The following TMEM256 variants were observed in gnomAD, a reference collection of about 807,000 sequenced individuals.
TMEM256 encodes the protein UPF0451 protein C17orf61.
Under a neutral mutation model 14.8 loss-of-function variants are expected in TMEM256, and 14 were observed. That is an observed-to-expected ratio of 0.95 (90% confidence interval 0.63 to 1.48). The LOEUF is 1.48. Among genes scored for constraint, TMEM256 ranks in the 40% most tolerant of loss-of-function variants. TMEM256 has a pLI of 0.00. For missense variants in TMEM256, 146 were observed against 137.9 expected (o/e 1.06, Z -0.30); for synonymous variants, 68 against 60.7 (o/e 1.12, Z -0.56).
In TMEM256 at chr17:7,403,147, C is replaced by T; in HGVS notation, c.261G>A (p.Leu87=). The T allele has an allele frequency of 6.2e-7, 1 of 1,614,206 alleles. No homozygotes were observed. The highest frequency in any genetic ancestry group is 1.1e-5 in the South Asian group (1 of 91,084). ...LFCTSFYYQA[L]SGDPSIQTLA... ...AAGTCTGGATGCTGGGGTCTCCACT[C>T]AGAGCCTGGTAGTAAAAGCTGGTGC... The change falls in exon 4 of 4, where the codon CTG becomes CTA. Residue 87 remains leucine (L), a synonymous_variant. Transcript: ENST00000302422.
intron 1 of TMEM256, 64 bp downstream of exon 1, chr17:7,403,936 C>A (rs1463108895): frequency 1.0e-5 from 15 of 1,483,380 alleles, no homozygotes; most frequent in Non-Finnish European, 1.3e-5. Context: ...ATAGGTTACG[C>A]CCTTGCAGCA....
chr17:7,403,288 G>T, intron 3 of TMEM256, 22 bp downstream of exon 3: 1 of 1,614,178 alleles, frequency 6.2e-7, no homozygotes, highest in Non-Finnish European at 8.5e-7. Context: ...CTTGGTCAGG[G>T]TTAGGCGCAG....
rs1340079661 is a variant in TMEM256 at position 7,403,129 on chromosome 17, G to A, written c.279C>T (p.Ile93=). 6.2e-7 allele frequency: 1 copy of A among 1,614,088 alleles called. No individual in the cohort carries two copies. The highest frequency in any genetic ancestry group is 1.3e-5 in the African/African-American group (1 of 74,930). ...TCCCTCCCGCAGGGGCCAAAGTCTGGATGCTGGGGTCTCCACTCAGAGCCT... is the reference window on the plus strand; with the variant it reads ...TCCCTCCCGCAGGGGCCAAAGTCTGAATGCTGGGGTCTCCACTCAGAGCCT... The part of the protein sequence containing the change: ...YYQALSGDPS[I]QTLAPAGGTL... Residue 93 remains isoleucine, a synonymous_variant, in exon 4 of 4, where the codon ATC becomes ATT. Transcript: ENST00000302422.
chr17:7,403,640 C>A lies in TMEM256; in HGVS notation c.117+18G>T. 1 of 1,614,116 alleles carries A rather than the reference C, an allele frequency of 6.2e-7. No individual in the cohort carries two copies. Among genetic ancestry groups the A allele is most frequent in the Non-Finnish European group, 8.5e-7 (1 of 1,180,006 alleles). ...TCGTAGACCCACGAGTCAGGGAGCC[C>A]CAGCGCAGTTACTTCACCTCCTTCC... On this transcript the variant is annotated intron_variant, in intron 2 of 3. Coordinates refer to ENST00000302422, the MANE Select transcript of TMEM256 (RefSeq NM_152766.5).
chr17:7,403,484 C>G, intron 2 of TMEM256, 94 bp from the exon 3 acceptor site: 1 of 1,499,296 alleles, frequency 6.7e-7, no homozygotes, highest in Non-Finnish European at 9.3e-7. Flanking sequence ...TCCCCCACCC[C>G]ACCCTTGAAG....
Position 7,402,986 on chromosome 17 carries a change from T to G in TMEM256, c.*80A>C. ...CAAAGACTCCAAAGTTTATTTGCCT[T>G]TCCTTTTTAATCCTCTTCTTACTCC... On this transcript the variant is annotated 3_prime_UTR_variant, in exon 4 of 4. Coordinates refer to ENST00000302422, the MANE Select transcript of TMEM256 (RefSeq NM_152766.5). The G allele has an allele frequency of 6.6e-7, 1 of 1,524,098 alleles. No individual in the cohort carries two copies. The highest frequency in any genetic ancestry group is 8.8e-7 in the Non-Finnish European group (1 of 1,139,018). 94.4% of individuals were successfully genotyped at this position (1,524,098 alleles called of 1,614,324 possible).
chr17:7,403,694 G>A lies in TMEM256; in HGVS notation c.86-5C>T, dbSNP rs914402745. The A allele has an allele frequency of 6.8e-6, 11 of 1,612,724 alleles. No individual in the cohort carries two copies. The highest frequency in any genetic ancestry group is 1.1e-5 in the South Asian group (1 of 90,988). ...AGGCATCTGGGAATTGGGCGCCTGTGGAGAAAAGAAGCAAAGGTTAGCGGT... is the reference window on the plus strand; with the variant it reads ...AGGCATCTGGGAATTGGGCGCCTGTAGAGAAAAGAAGCAAAGGTTAGCGGT... On this transcript the variant is annotated splice_region_variant and splice_polypyrimidine_tract_variant and intron_variant, in intron 1 of 3. Coordinates refer to ENST00000302422, the MANE Select transcript of TMEM256 (RefSeq NM_152766.5).
In TMEM256 at chr17:7,403,025, A is replaced by G; in HGVS notation, c.*41T>C. 6.4e-6 allele frequency: 10 copies of G among 1,564,088 alleles called. No individual in the cohort carries two copies. The highest frequency in any genetic ancestry group is 8.6e-6 in the Non-Finnish European group (10 of 1,162,714). ...TCTTCTTACTCCAACTCTTTAAAAA[A>G]AAAACTGCCCAGAAAACCCAGTAAT... On this transcript the variant is annotated 3_prime_UTR_variant, in exon 4 of 4. Transcript: ENST00000302422.
chr17:7,403,789 C>CCA (rs1906452775), intron 1 of TMEM256, 100 bp from the exon 2 acceptor site: 1 of 1,025,372 alleles, frequency 9.8e-7, no homozygotes, highest in Non-Finnish European at 1.3e-6. Context: ...AGGGCACCCC[C>CCA]CCCCCCGCCC....
At chr17:7,403,821 G>C (rs765257845) in intron 1 of TMEM256, 132 bp from the exon 2 acceptor site, 121 of 1,261,816 alleles carry the variant, frequency 9.6e-5, no homozygotes, top group Non-Finnish European at 1.3e-4. Context: ...CGATTGGTGG[G>C]AACACGCTCG....
chr17:7,403,638 C>G lies in TMEM256; in HGVS notation c.117+20G>C, dbSNP rs1388384674. 5 of 1,614,026 alleles carry G rather than the reference C, an allele frequency of 3.1e-6. No homozygotes were observed. The South Asian group carries it at 3.3e-5, about 11-fold the overall frequency. The stretch of plus-strand genomic sequence containing the variant: ...CTTCGTAGACCCACGAGTCAGGGAG[C>G]CCCAGCGCAGTTACTTCACCTCCTT... On this transcript the variant is annotated intron_variant, in intron 2 of 3. Transcript: ENST00000302422.
At chr17:7,403,778 A>ACGGGGGGGGGGGGGGGGGGGGGGGGG in intron 1 of TMEM256, 89 bp from the exon 2 acceptor site, 1 of 1,340,670 alleles carries the variant, frequency 7.5e-7, no homozygotes, top group Non-Finnish European at 1.0e-6. Flanking sequence ...ATTGGCGAGA[A>ACGGGGGGGGGGGGGGGGGGGGGGGGG]AGGGCACCCC....
chr17:7,403,945 C>T (rs1906467091), intron 1 of TMEM256, 55 bp downstream of exon 1: 1 of 1,497,206 alleles, frequency 6.7e-7, no homozygotes, highest in Non-Finnish European at 9.0e-7. Flanking sequence ...GCCCTTGCAG[C>T]AGACCCCAGA....
In TMEM256 at chr17:7,403,230, A is replaced by T. The variant is rs112244220; in HGVS notation, c.199-21T>A. The T allele has an allele frequency of 4.0e-4, 653 of 1,614,196 alleles. 6 individuals carry two copies. The African/African-American group carries it at 8.1e-3, about 20-fold the overall frequency. ...CCAGCCTGAAGGAGACACAGCACAG[A>T]AAACAGGATTGTTAAGAACAGGGCA... On this transcript the variant is annotated intron_variant, in intron 3 of 3. Coordinates refer to ENST00000302422, the MANE Select transcript of TMEM256 (RefSeq NM_152766.5).
intron 1 of TMEM256, 102 bp from the exon 2 acceptor site, chr17:7,403,791 C>CG: frequency 9.6e-7 from 1 of 1,045,844 alleles, no homozygotes; most frequent in East Asian, 4.9e-5. Flanking sequence ...GGCACCCCCC[C>CG]CCCCGCCCCA....
At position 7,404,039 on chromosome 17, in the gene TMEM256, C is replaced by T. The variant is rs777538396; in HGVS notation, c.46G>A (p.Gly16Arg). 12 of 1,602,092 alleles carry T rather than the reference C, an allele frequency of 7.5e-6. No homozygotes were observed. The highest frequency in any genetic ancestry group is 4.0e-5 in the African/African-American group (3 of 74,780). Residue 16 changes from glycine to arginine, a missense_variant, in exon 1 of 4, where the codon GGA becomes AGA. Gly to Arg is a moderately radical substitution (Grantham distance 125, BLOSUM62 -2). Coordinates refer to ENST00000302422, the MANE Select transcript of TMEM256 (RefSeq NM_152766.5). Reference protein sequence around the residue: ...AAFRRLGALSGAAALGFASYG... With the variant: ...AAFRRLGALSRAAALGFASYG... ...GAAGCGAAGCCTAAGGCCGCAGCTC[C>T]GGACAAGGCGCCCAAGCGGCGGAAA...
Position 7,403,333 on chromosome 17 carries a change from G to A in TMEM256, c.175C>T (p.Pro59Ser), listed in dbSNP as rs1278945728. 22 of 1,614,050 alleles carry A rather than the reference G, an allele frequency of 1.4e-5. No individual in the cohort carries two copies. The Admixed American group carries it at 3.3e-4, about 24-fold the overall frequency. ...FLHSLALLGV[P>S]HCRKPLWAGL... ...ACCCAGAGTGGCTTTCTGCAATGGG[G>A]CACCCCTAACAGGGCCAGGCTGTGT... The change falls in exon 3 of 4, where the codon CCC becomes TCC. Residue 59 changes from proline to serine, a missense_variant. Physicochemically the swap from Pro to Ser is moderately conservative, Grantham distance 74. Coordinates refer to ENST00000302422, the MANE Select transcript of TMEM256 (RefSeq NM_152766.5).
At chr17:7,403,288 G>A in intron 3 of TMEM256, 22 bp downstream of exon 3, 1 of 1,614,178 alleles carries the variant, frequency 6.2e-7, no homozygotes, top group Non-Finnish European at 8.5e-7. Flanking sequence ...CTTGGTCAGG[G>A]TTAGGCGCAG....
In TMEM256 at chr17:7,404,048, C is replaced by A. The variant is rs747090389; in HGVS notation, c.37G>T (p.Ala13Ser). ...CCTAAGGCCGCAGCTCCGGACAAGG[C>A]GCCCAAGCGGCGGAAAGCTGCAGCT... ...GPAAAFRRLGALSGAAALGFA... is the reference protein window; with the variant it reads ...GPAAAFRRLGSLSGAAALGFA... The change falls in exon 1 of 4, where the codon GCC becomes TCC. Residue 13 changes from alanine to serine, a missense_variant. Transcript: ENST00000302422. The A allele has an allele frequency of 1.2e-5, 20 of 1,601,532 alleles. No individual in the cohort carries two copies. The highest frequency in any genetic ancestry group is 1.4e-5 in the Non-Finnish European group (17 of 1,174,222).
Sources: allele counts gnomAD v4.1 joint callset, GRCh38; gene constraint gnomAD v4.1.1; transcripts MANE v1.5; gene names NCBI Gene and HGNC (gene_info 2026-07-23, HGNC 2026-07-21).